SETD2: variants seen among roughly 807,000 people sequenced by gnomAD.
SETD2 encodes SET domain containing 2, histone lysine methyltransferase.
SETD2 carries 31 observed loss-of-function variants against 242.1 expected under a neutral mutation model. The ratio of observed to expected loss-of-function variants is 0.13; its 90% confidence interval spans 0.10 to 0.17. SETD2 has a LOEUF of 0.17. SETD2 is among the 10% of genes least tolerant of loss of function. SETD2 has a pLI of 1.00. For synonymous variants in SETD2, 1,006 were observed against 1,066.5 expected (o/e 0.94, Z 1.11); for missense variants, 2,481 against 3,046.3 (o/e 0.81, Z 4.37).
chr3:47,072,781 T>TAA (rs71098447), intron 12 of SETD2, among the ~76,000 whole-genome samples: 18 of 150,912 alleles, frequency 1.2e-4, no homozygotes, highest in Non-Finnish European at 1.9e-4. Flanking sequence ...CTGTCTCTAC[T>TAA]AAAAAAATAC....
rs1283760445 is a variant in SETD2, at chr3:47,122,384, G to A, written c.2252C>T (p.Pro751Leu). 1 of 1,613,916 alleles carries A rather than the reference G, an allele frequency of 6.2e-7. No homozygotes were observed. The highest frequency in any genetic ancestry group is 8.5e-7 in the Non-Finnish European group (1 of 1,179,850). Residue 751 changes from proline (P) to leucine (L), a missense_variant, in exon 3 of 21, where the codon CCT becomes CTT. Physicochemically the swap from Pro to Leu is moderately conservative, Grantham distance 98. This residue lies in a region of SETD2 where 1,300 missense variants were observed against 1,259.2 expected (regional missense o/e 1.03). Transcript: ENST00000409792. ...TTTATCTTGGTGTGGTGACACCAGA[G>A]GTTCTGTTTCTCTAAATGGGCTTTC... ...KSESPFRETEPLVSPHQDKLM... is the reference protein window; with the variant it reads ...KSESPFRETELLVSPHQDKLM...
intron 17 of SETD2, among the ~76,000 whole-genome samples, chr3:47,038,855 C>T (rs556906921): frequency 9.8e-5 from 15 of 152,296 alleles, no homozygotes; most frequent in African/African-American, 3.4e-4. Flanking sequence ...AGGACAGTGA[C>T]TTAAAATGTC....
In SETD2 at chr3:47,083,968, C is replaced by T. The variant is rs116417406; in HGVS notation, c.5812G>A (p.Val1938Ile). 6.9e-5 allele frequency: 111 copies of T among 1,614,140 alleles called. 2 individuals are homozygous for T. In the African/African-American group the frequency reaches 1.2e-3, roughly 17 times the overall value. ...LLPQQLPECK[V>I]DSETNIEASK... ...GCTTCTATGTTGGTTTCACTATCAA[C>T]TTTGCATTCAGGCAGCTGTTGTGGG... is the stretch of plus-strand genomic sequence containing the variant. The change falls in exon 12 of 21, where the codon GTT becomes ATT. Residue 1938 changes from valine to isoleucine, a missense_variant. Val to Ile is a conservative substitution (Grantham distance 29, BLOSUM62 3). Coordinates refer to ENST00000409792, the MANE Select transcript of SETD2 (RefSeq NM_014159.7).
At chr3:47,111,461 T>A (rs2042649307) in intron 5 of SETD2, among the ~76,000 whole-genome samples, 1 of 152,036 alleles carries the variant, frequency 6.6e-6, no homozygotes. Flanking sequence ...TCTCAGCTAC[T>A]CAGAAGGCTG....
At chr3:47,150,630 C>T (rs947690400) in intron 1 of SETD2, among the ~76,000 whole-genome samples, 2 of 151,982 alleles carry the variant, frequency 1.3e-5, no homozygotes, top group Admixed American at 6.6e-5. Flanking sequence ...CTGCCATTAG[C>T]CCAACACATA....
intron 1 of SETD2, among the ~76,000 whole-genome samples, chr3:47,128,404 G>A (rs909154447): frequency 6.6e-6 from 1 of 152,230 alleles, no homozygotes; most frequent in Non-Finnish European, 1.5e-5. Flanking sequence ...ACATGACAGC[G>A]AGATTTGTAT....
intron 18 of SETD2, among the ~76,000 whole-genome samples, chr3:47,028,210 G>C (rs1020736615): frequency 6.6e-6 from 1 of 152,112 alleles, no homozygotes; most frequent in African/African-American, 2.4e-5. Flanking sequence ...GACAAAATGA[G>C]GTAAGCCCTA....
Position 47,016,988 on chromosome 3 carries a change from T to A in SETD2, c.*105A>T, listed in dbSNP as rs899660851. 2 of 1,108,138 alleles carry A rather than the reference T, an allele frequency of 1.8e-6. No homozygotes were observed. 68.6% of individuals were successfully genotyped at this position (1,108,138 alleles called of 1,614,324 possible). A position where few individuals can be genotyped will look rare whatever the true frequency, so the allele number is the denominator to read the frequency against. ...TTGAATTCCCCAGGGTGATGTATCA[T>A]CAGTAGCACAGTGCTGACAGGGGTG... On this transcript the variant is annotated 3_prime_UTR_variant, in exon 21 of 21. Coordinates refer to ENST00000409792, the MANE Select transcript of SETD2 (RefSeq NM_014159.7).
intron 1 of SETD2, among the ~76,000 whole-genome samples, chr3:47,161,955 A>G (rs1235270259): frequency 6.6e-6 from 1 of 152,060 alleles, no homozygotes; most frequent in Non-Finnish European, 1.5e-5. Context: ...TTAAAAATAT[A>G]TAATCACTGT....
chr3:47,099,396 T>G (rs2042122348), intron 8 of SETD2, among the ~76,000 whole-genome samples: 1 of 152,212 alleles, frequency 6.6e-6, no homozygotes. Context: ...TTAATTGTAC[T>G]GGTTTCTTAA....
intron 15 of SETD2, among the ~76,000 whole-genome samples, chr3:47,056,100 TTATTTA>T (rs2040067573): frequency 3.3e-5 from 3 of 90,066 alleles, no homozygotes; most frequent in Non-Finnish European, 8.1e-5. Flanking sequence ...TGATTTTTAT[TTATTTA>T]TTTATTTATT....
At chr3:47,020,812 C>T (rs1218498394) in intron 18 of SETD2, among the ~76,000 whole-genome samples, 3 of 152,180 alleles carry the variant, frequency 2.0e-5, no homozygotes, top group African/African-American at 7.2e-5. Flanking sequence ...CCCCACCCAT[C>T]TCCTGGTTCT....
At position 47,121,428 on chromosome 3, in the gene SETD2, C is replaced by T; in HGVS notation, c.3208G>A (p.Val1070Met). 6.2e-7 allele frequency: 1 copy of T among 1,611,756 alleles called. No individual in the cohort carries two copies. Among genetic ancestry groups the T allele is most frequent in the Non-Finnish European group, 8.5e-7 (1 of 1,180,002 alleles). ...SIPRNRLQSV[V>M]VVPKNSTLPM... ...AAAGTAGAATTCTTTGGCACAACCA[C>T]AACAGACTGGAGACGGTTTCTTGGA... Residue 1070 changes from valine (V) to methionine (M), a missense_variant, in exon 3 of 21, where the codon GTG becomes ATG. Val to Met is a conservative substitution (Grantham distance 21). This residue lies in a region of SETD2 where 1,300 missense variants were observed against 1,259.2 expected (regional missense o/e 1.03). Transcript: ENST00000409792.
At chr3:47,073,683 GA>G (rs1471219879) in intron 12 of SETD2, among the ~76,000 whole-genome samples, 1 of 152,076 alleles carries the variant, frequency 6.6e-6, no homozygotes, top group Non-Finnish European at 1.5e-5. Context: ...CAGCCACTAA[GA>G]AAAATGGGTG....
intron 8 of SETD2, 35 bp from the exon 9 acceptor site, chr3:47,098,116 TG>T (rs2042076118): frequency 6.2e-7 from 1 of 1,611,784 alleles, no homozygotes; most frequent in South Asian, 1.1e-5. Context: ...GTCAGCTATG[TG>T]GAAGTAAACC....
In SETD2 at chr3:47,121,688, T is replaced by C. The variant is rs1266756746; in HGVS notation, c.2948A>G (p.Glu983Gly). Residue 983 changes from glutamate (E) to glycine (G), a missense_variant, in exon 3 of 21, where the codon GAA (glutamate) becomes GGA (glycine). Coordinates refer to ENST00000409792, the MANE Select transcript of SETD2 (RefSeq NM_014159.7). ...ATGCACATGTCCTCCTTCTCCTCTT[T>C]CATCTAAAGAGATTTCTGGTCTTCC... is the stretch of plus-strand genomic sequence containing the variant. ...RRGRPEISLD[E>G]RGEGGHVHTS... 2.5e-6 allele frequency: 4 copies of C among 1,614,106 alleles called. No homozygotes were observed. Among genetic ancestry groups the C allele is most frequent in the Non-Finnish European group, 3.4e-6 (4 of 1,179,982 alleles).
rs1349108254 is a variant in SETD2 at position 47,123,806 on chromosome 3, A to T, written c.830T>A (p.Ile277Asn). 6.5e-7 allele frequency: 1 copy of T among 1,547,846 alleles called. No individual in the cohort carries two copies. Among genetic ancestry groups the T allele is most frequent in the Non-Finnish European group, 8.7e-7 (1 of 1,145,198 alleles). ...ATGGGAATCTTCTTTTTTTGAGGAA[A>T]TATCTGCTTGCTCATTCAATATTTG... ...VTQILNEQADISSKKEDSHIG... is the reference protein window; with the variant it reads ...VTQILNEQADNSSKKEDSHIG... The change falls in exon 3 of 21, where the codon ATT becomes AAT. Residue 277 changes from isoleucine to asparagine, a missense_variant. This residue lies in a region of SETD2 where 334 missense variants were observed against 374.5 expected (regional missense o/e 0.89). Transcript: ENST00000409792.
chr3:47,074,301 G>A lies in SETD2; in HGVS notation c.6061-7183C>T, dbSNP rs373474641. 1.2e-4 allele frequency among the ~76,000 whole-genome samples: 18 copies of A among 152,184 alleles called. No individual in the cohort carries two copies. The East Asian group carries it at 3.3e-3, about 28-fold the overall frequency. Reference sequence around the variant, plus strand: ...ACAAGAAACTGCTTGATTGCCTCAAGGAAATCAGATGGAAGCCAAGGGTAG... The same window carrying A: ...ACAAGAAACTGCTTGATTGCCTCAAAGAAATCAGATGGAAGCCAAGGGTAG... On this transcript the variant is annotated intron_variant, in intron 12 of 20. Coordinates refer to ENST00000409792, the MANE Select transcript of SETD2 (RefSeq NM_014159.7).
At position 47,122,946 on chromosome 3, in the gene SETD2, G is replaced by C. The variant is rs755852190; in HGVS notation, c.1690C>G (p.Pro564Ala). 1.2e-6 allele frequency: 2 copies of C among 1,613,388 alleles called. No homozygotes were observed. Among genetic ancestry groups the C allele is most frequent in the South Asian group, 1.1e-5 (1 of 90,998 alleles). The change falls in exon 3 of 21, where the codon CCC (proline) becomes GCC (alanine). Residue 564 changes from proline (P) to alanine (A), a missense_variant. Around this residue, in one of 17 missense-constraint regions of SETD2, gnomAD observed 1,300 missense variants for 1,259.2 expected, o/e 1.03. Transcript: ENST00000409792. The stretch of plus-strand genomic sequence containing the variant: ...GAATTTTTAAATTTATCAGACTTGG[G>C]TATAGGTTTTGAAAGGGTAGATTTA... Reference protein sequence around the residue: ...RYKSTLSKPIPKSDKFKNSFC... With the variant: ...RYKSTLSKPIAKSDKFKNSFC...
Sources: allele counts gnomAD v4.1 joint callset (sites outside exome capture counted in the v4.1 genomes callset), GRCh38; gene constraint gnomAD v4.1.1; regional missense constraint gnomAD v4.1.1; transcripts MANE v1.5; gene names NCBI Gene and HGNC (gene_info 2026-07-23, HGNC 2026-07-21).